Variants in RAPGEF4 observed in about 807,000 individuals in gnomAD.
RAPGEF4 encodes the protein Rap guanine nucleotide exchange factor 4, also known as RAP guanine-nucleotide-exchange factor (GEF) 4.
A neutral mutation model predicts 147.9 loss-of-function variants in RAPGEF4; 66 were observed. The observed-to-expected ratio is 0.45, with a 90% CI of 0.37 to 0.55. The LOEUF is 0.55. Among genes scored for constraint, RAPGEF4 ranks in the 20% least tolerant of loss-of-function variants. The pLI is 0.00. For synonymous variants in RAPGEF4, 419 were observed against 442.7 expected, an observed-to-expected ratio of 0.95 and a Z score of 0.67; for missense variants, 1,071 against 1,257.3, an observed-to-expected ratio of 0.85 and a Z score of 2.24.
At chr2:172,810,228 A>C (rs910494644) in intron 3 of RAPGEF4, among the ~76,000 whole-genome samples, 3 of 152,204 alleles carry the variant, frequency 2.0e-5, no homozygotes, top group Non-Finnish European at 4.4e-5. Context: ...CTTGAGCCTG[A>C]TTTGCTCAAC....
intron 6 of RAPGEF4, among the ~76,000 whole-genome samples, chr2:172,942,172 C>T (rs1360679198): frequency 6.7e-6 from 1 of 148,728 alleles, no homozygotes; most frequent in Non-Finnish European, 1.5e-5. Context: ...TTGAAATATA[C>T]AATAGGTTGG....
At chr2:172,968,508 C>T (rs543789964) in intron 10 of RAPGEF4, among the ~76,000 whole-genome samples, 28 of 152,270 alleles carry the variant, frequency 1.8e-4, no homozygotes, top group Admixed American at 9.8e-4. Context: ...CTTGCCCTTA[C>T]TCAGGGTTGT....
At chr2:172,804,580 C>T (rs1299708794) in intron 3 of RAPGEF4, among the ~76,000 whole-genome samples, 1 of 152,180 alleles carries the variant, frequency 6.6e-6, no homozygotes, top group Non-Finnish European at 1.5e-5. Context: ...ACCTGGCCTC[C>T]TGAGCCCATC....
At chr2:172,893,493 G>T (rs1008788139) in intron 4 of RAPGEF4, among the ~76,000 whole-genome samples, 2 of 152,164 alleles carry the variant, frequency 1.3e-5, no homozygotes, top group African/African-American at 2.4e-5. Flanking sequence ...CCCCCAGATG[G>T]CTGCCCCGAA....
At chr2:173,048,731 C>T (rs960880788) in intron 30 of RAPGEF4, 77 bp downstream of exon 30, 38 of 1,599,314 alleles carry the variant, frequency 2.4e-5, no homozygotes, top group Non-Finnish European at 2.6e-5. Context: ...TTGAGACACC[C>T]TTGGAGCCTG....
intron 4 of RAPGEF4, among the ~76,000 whole-genome samples, chr2:172,863,735 A>G (rs1559083007): frequency 6.6e-6 from 1 of 152,208 alleles, no homozygotes; most frequent in Non-Finnish European, 1.5e-5. Context: ...CAACTGGCAA[A>G]AAGGTTGTTT....
chr2:172,812,472 C>T (rs999450395), intron 3 of RAPGEF4, among the ~76,000 whole-genome samples: 1 of 152,154 alleles, frequency 6.6e-6, no homozygotes, highest in South Asian at 2.1e-4. Flanking sequence ...GTCTTTATTA[C>T]AAGAGTTGAT....
At chr2:173,020,968 A>T (rs1281651406) in intron 23 of RAPGEF4, among the ~76,000 whole-genome samples, 1 of 152,194 alleles carries the variant, frequency 6.6e-6, no homozygotes, top group Non-Finnish European at 1.5e-5. Flanking sequence ...CTTTGTTGTA[A>T]TTCGCCTCAT....
chr2:173,007,954 T>C (rs1444543191), intron 17 of RAPGEF4, among the ~76,000 whole-genome samples: 2 of 152,218 alleles, frequency 1.3e-5, no homozygotes, highest in African/African-American at 4.8e-5. Flanking sequence ...GGGGTAATTA[T>C]ATGATACGGT....
chr2:173,020,332 C>T (rs1198769865), intron 22 of RAPGEF4, among the ~76,000 whole-genome samples: 1 of 152,044 alleles, frequency 6.6e-6, no homozygotes, highest in Non-Finnish European at 1.5e-5. Flanking sequence ...TAGCCAAGTG[C>T]GGGTTTTATG....
At chr2:172,919,896 GC>G (rs980388675) in intron 5 of RAPGEF4, among the ~76,000 whole-genome samples, 1 of 151,920 alleles carries the variant, frequency 6.6e-6, no homozygotes, top group Admixed American at 6.6e-5. Context: ...ACCCCTGCTT[GC>G]CCGGGCCCAG....
chr2:173,014,418 G>A (rs780851355), intron 17 of RAPGEF4, 46 bp from the exon 18 acceptor site: 2 of 1,610,616 alleles, frequency 1.2e-6, no homozygotes, highest in East Asian at 4.5e-5. Context: ...AGTAGCATGT[G>A]AAATGAGTGT....
chr2:173,034,358 G>T (rs947368805), intron 27 of RAPGEF4, among the ~76,000 whole-genome samples: 1 of 152,114 alleles, frequency 6.6e-6, no homozygotes, highest in Non-Finnish European at 1.5e-5. Flanking sequence ...GGTTTCAGAG[G>T]GCAAATCGGG....
In RAPGEF4 at chr2:172,735,855, C is replaced by T; in HGVS notation, c.-129C>T. 1.3e-6 allele frequency: 1 copy of T among 758,804 alleles called. No homozygotes were observed. Among genetic ancestry groups the T allele is most frequent in the Non-Finnish European group, 1.7e-6 (1 of 571,618 alleles). The allele number at this position is 758,804 out of a possible 1,614,324, so 47.0% of individuals were successfully genotyped here. ...GCCCGCGGGGAGGGCGGGCCTGTCG[C>T]AGCCGCGCTGGTCGCCAGGCGTCCG... On this transcript the variant is annotated 5_prime_UTR_variant, in exon 1 of 31. Transcript: ENST00000397081.
At chr2:172,900,643 T>C (rs1165408997) in intron 4 of RAPGEF4, among the ~76,000 whole-genome samples, 2 of 152,216 alleles carry the variant, frequency 1.3e-5, no homozygotes. Context: ...TGTTTACATT[T>C]TGCCCCATTA....
chr2:173,027,287 A>G (rs769392392), intron 25 of RAPGEF4, 28 bp downstream of exon 25: 1 of 1,524,602 alleles, frequency 6.6e-7, no homozygotes, highest in South Asian at 1.2e-5. Flanking sequence ...GGAAAGAGAA[A>G]AAAAAATGTT....
At chr2:172,854,929 T>TAATGGAGA (rs1386041452) in intron 4 of RAPGEF4, among the ~76,000 whole-genome samples, 4 of 152,184 alleles carry the variant, frequency 2.6e-5, no homozygotes, top group African/African-American at 9.7e-5. Context: ...AAAAATTGCT[T>TAATGGAGA]GTAAACAAGT....
At chr2:172,944,115 C>T (rs1028863335) in intron 6 of RAPGEF4, among the ~76,000 whole-genome samples, 1 of 152,140 alleles carries the variant, frequency 6.6e-6, no homozygotes, top group African/African-American at 2.4e-5. Context: ...GCCAAACACA[C>T]GGGAACATCT....
intron 12 of RAPGEF4, among the ~76,000 whole-genome samples, chr2:172,986,829 G>A (rs754278742): frequency 5.9e-5 from 9 of 151,962 alleles, no homozygotes; most frequent in Non-Finnish European, 1.3e-4. Flanking sequence ...AAGTAGTTGG[G>A]ATTACAGGCG....
Sources: gnomAD v4.1 joint callset for allele counts (sites outside exome capture counted in the v4.1 genomes callset) on GRCh38, gnomAD v4.1.1 for gene constraint, MANE v1.5 for transcripts, NCBI Gene and HGNC (gene_info 2026-07-23, HGNC 2026-07-21) for gene names.